The following TCHH variants were observed in gnomAD, a reference collection of about 807,000 sequenced individuals.
The protein encoded by TCHH is trichohyalin.
TCHH carries 6 observed loss-of-function variants against 6.3 expected under a neutral mutation model. That is an observed-to-expected ratio of 0.95 (90% confidence interval 0.52 to 1.88). TCHH has a LOEUF of 1.88. Ranked by LOEUF, TCHH falls within the 40% of genes most tolerant of loss-of-function variation. The pLI, the probability that TCHH is intolerant of heterozygous loss-of-function variation, is 0.01. For missense variants in TCHH, 2,920 were observed against 2,449.1 expected (o/e 1.19, Z -4.06); for synonymous variants, 1,087 against 963.6 (o/e 1.13, Z -2.37).
Position 152,111,355 on chromosome 1 carries a change from T to G in TCHH, c.1862A>C (p.Lys621Thr), listed in dbSNP as rs780166347. Residue 621 changes from lysine to threonine, a missense_variant, in exon 3 of 3, where the codon AAG becomes ACG. Coordinates refer to ENST00000614923, the MANE Select transcript of TCHH (RefSeq NM_007113.4). ...CCTCTCTTCCTCCGGCTCCTCGCGC[T>G]TCAGCCGCTGCTCGCGCCTCTCCTC... ...EQEERREQRL[K>T]REEPEEERRQ... 2 of 1,609,452 alleles carry G rather than the reference T, an allele frequency of 1.2e-6. No homozygotes were observed. Among genetic ancestry groups the G allele is most frequent in the East Asian group, 4.5e-5 (2 of 44,574 alleles).
Position 152,107,873 on chromosome 1 carries a change from C to G in TCHH, c.5344G>C (p.Glu1782Gln). ...KFREEEQLRQEREEQQLRSQE... is the reference protein window; with the variant it reads ...KFREEEQLRQQREEQQLRSQE... Reference sequence around the variant, plus strand: ...CTGCGCAGCTGCTGTTCCTCCCTCTCCTGGCGGAGCTGTTCCTCCTCGCGG... The same window carrying G: ...CTGCGCAGCTGCTGTTCCTCCCTCTGCTGGCGGAGCTGTTCCTCCTCGCGG... Residue 1782 changes from glutamate to glutamine, a missense_variant, in exon 3 of 3, where the codon GAG becomes CAG. By Grantham distance (29) the Glu-to-Gln change is conservative. Coordinates refer to ENST00000614923, the MANE Select transcript of TCHH (RefSeq NM_007113.4). 1.2e-6 allele frequency: 2 copies of G among 1,613,552 alleles called. No homozygotes were observed. Among genetic ancestry groups the G allele is most frequent in the East Asian group, 4.5e-5 (2 of 44,834 alleles).
chr1:152,111,393 C>T lies in TCHH; in HGVS notation c.1824G>A (p.Glu608=), dbSNP rs556365234. The T allele has an allele frequency of 8.4e-5, 134 of 1,603,656 alleles. 1 individual carries two copies. The East Asian group carries it at 3.0e-3, about 35-fold the overall frequency. Residue 608 remains glutamate (E), a synonymous_variant, in exon 3 of 3, where the codon GAG becomes GAA. Transcript: ENST00000614923. The stretch of plus-strand genomic sequence containing the variant: ...CGCGCCTCTCCTCCTGCTCGAGTCT[C>T]TCCACCTCCTCGCGCTTCAGTCGCT... ...LEQRLKREEV[E]RLEQEERREQ...
At position 152,112,306 on chromosome 1, in the gene TCHH, T is replaced by G. The variant is rs764873813; in HGVS notation, c.911A>C (p.Gln304Pro). ...CTCCTCCTGCTTGCGCCTTAGTTGC[T>G]GCTCGCGCCTCAGCCTTTGCTGCTG... The part of the protein sequence containing the change: ...EQQQQRLRRE[Q>P]QLRRKQEEER... Residue 304 changes from glutamine (Q) to proline (P), a missense_variant, in exon 3 of 3, where the codon CAG becomes CCG. Gln to Pro is a moderately conservative substitution (Grantham distance 76). Coordinates refer to ENST00000614923, the MANE Select transcript of TCHH (RefSeq NM_007113.4). 7 of 1,611,858 alleles carry G rather than the reference T, an allele frequency of 4.3e-6. No homozygotes were observed. In the South Asian group the frequency reaches 7.7e-5, roughly 18 times the overall value.
In TCHH at chr1:152,107,197, G is replaced by A. The variant is rs1274839629; in HGVS notation, c.*188C>T. ...CATCTTGCAGTAAAGAACTACTTGAGGAAGAATAAAAAGCAGAAGTACAAA... is the reference window on the plus strand; with the variant it reads ...CATCTTGCAGTAAAGAACTACTTGAAGAAGAATAAAAAGCAGAAGTACAAA... On this transcript the variant is annotated 3_prime_UTR_variant, in exon 3 of 3. Transcript: ENST00000614923. The A allele has an allele frequency of 5.5e-6, 3 of 543,046 alleles. No individual in the cohort carries two copies. The highest frequency in any genetic ancestry group is 6.7e-5 in the Admixed American group (2 of 29,742). The allele number at this position is 543,046 out of a possible 1,614,324, so 33.6% of individuals were successfully genotyped here.
rs1460086531 is a variant in TCHH at position 152,114,015 on chromosome 1, A to G, written c.66T>C (p.Asp22=). Residue 22 remains aspartate (D), a synonymous_variant, in exon 2 of 3, where the codon GAT becomes GAC. Coordinates refer to ENST00000614923, the MANE Select transcript of TCHH (RefSeq NM_007113.4). ...TEIFNQYVSH[D]CDGAALTKKD... ...TCTTAGTTAATGCTGCTCCATCACA[A>G]TCATGAGAGACATACTGATTGAAAA... The G allele has an allele frequency of 1.2e-6, 2 of 1,613,982 alleles. No homozygotes were observed. Among genetic ancestry groups the G allele is most frequent in the South Asian group, 1.1e-5 (1 of 91,056 alleles).
rs752611225 is a variant in TCHH at position 152,109,127 on chromosome 1, C to G, written c.4090G>C (p.Glu1364Gln). The G allele has an allele frequency of 2.5e-6, 4 of 1,613,606 alleles. No homozygotes were observed. In the South Asian group the frequency reaches 4.4e-5, roughly 18 times the overall value. The part of the protein sequence containing the change: ...RRQERDRKFR[E>Q]EELRHQEQGR... ...TGTTCCTGATGGCGCAGTTCCTCTT[C>G]GCGGAATTTTCTGTCACGCTCTTGG... The change falls in exon 3 of 3, where the codon GAA becomes CAA. Residue 1364 changes from glutamate (E) to glutamine (Q), a missense_variant. Physicochemically the swap from Glu to Gln is conservative, Grantham distance 29. Coordinates refer to ENST00000614923, the MANE Select transcript of TCHH (RefSeq NM_007113.4).
rs772386588 is a variant in TCHH, at chr1:152,107,882, G to C, written c.5335C>G (p.Leu1779Val). ...RDRKFREEEQ[L>V]RQEREEQQLR... ...TGCTGTTCCTCCCTCTCCTGGCGGA[G>C]CTGTTCCTCCTCGCGGAATTTTCTG... Residue 1779 changes from leucine (L) to valine (V), a missense_variant, in exon 3 of 3, where the codon CTC (leucine) becomes GTC (valine). Physicochemically the swap from Leu to Val is conservative, Grantham distance 32. Transcript: ENST00000614923. 29 of 1,613,664 alleles carry C rather than the reference G, an allele frequency of 1.8e-5. No homozygotes were observed. The highest frequency in any genetic ancestry group is 3.3e-5 in the Admixed American group (2 of 59,974).
Position 152,108,914 on chromosome 1 carries a change from C to T in TCHH, c.4303G>A (p.Glu1435Lys), listed in dbSNP as rs746566502. The change falls in exon 3 of 3, where the codon GAG becomes AAG. Residue 1435 changes from glutamate to lysine, a missense_variant. Transcript: ENST00000614923. ...TCCTGGCGGCGCACCTGCTGTTCCT[C>T]TTCACGGAATTTTCTGTCACGCTCT... Reference protein sequence around the residue: ...RQERDRKFREEEQQVRRQERE... With the variant: ...RQERDRKFREKEQQVRRQERE... 1.2e-6 allele frequency: 2 copies of T among 1,612,632 alleles called. No homozygotes were observed. Among genetic ancestry groups the T allele is most frequent in the South Asian group, 1.1e-5 (1 of 91,012 alleles).
Position 152,111,594 on chromosome 1 carries a change from C to T in TCHH, c.1623G>A (p.Glu541=), listed in dbSNP as rs1557811919. 5.0e-6 allele frequency: 8 copies of T among 1,608,630 alleles called. No individual in the cohort carries two copies. The highest frequency in any genetic ancestry group is 6.8e-6 in the Non-Finnish European group (8 of 1,178,012). ...GCAGCTGCTCGCGCCTCTCCTCCTG[C>T]TCGCGTCTTAGTTGTTGCTCGCTCC... ...RLRSEQQLRR[E]QEERREQLLK... Residue 541 remains glutamate, a synonymous_variant, in exon 3 of 3, where the codon GAG becomes GAA. Coordinates refer to ENST00000614923, the MANE Select transcript of TCHH (RefSeq NM_007113.4).
chr1:152,110,121 C>G lies in TCHH; in HGVS notation c.3096G>C (p.Gln1032His), dbSNP rs1283184799. ...TTTTCTCCCGTTCCTCTCTCAGCAG[C>G]TGCTCTTCTTCCTGCTGCAGCTCGT... ...KKDELQQEEE[Q>H]LLREEREKRR... The change falls in exon 3 of 3, where the codon CAG (glutamine) becomes CAC (histidine). Residue 1032 changes from glutamine (Q) to histidine (H), a missense_variant. Transcript: ENST00000614923. The G allele has an allele frequency of 6.2e-7, 1 of 1,612,290 alleles. No individual in the cohort carries two copies. Among genetic ancestry groups the G allele is most frequent in the East Asian group, 2.2e-5 (1 of 44,740 alleles).
At position 152,111,074 on chromosome 1, in the gene TCHH, G is replaced by C. The variant is rs753438173; in HGVS notation, c.2143C>G (p.Arg715Gly). 1 of 1,613,438 alleles carries C rather than the reference G, an allele frequency of 6.2e-7. No individual in the cohort carries two copies. The highest frequency in any genetic ancestry group is 1.7e-5 in the Admixed American group (1 of 60,012). Residue 715 changes from arginine (R) to glycine (G), a missense_variant, in exon 3 of 3, where the codon CGG becomes GGG. Arg to Gly is a moderately radical substitution (Grantham distance 125). Coordinates refer to ENST00000614923, the MANE Select transcript of TCHH (RefSeq NM_007113.4). ...QWQLESEADARQSKVYSRPRK... is the reference protein window; with the variant it reads ...QWQLESEADAGQSKVYSRPRK... ...GGCCTCGAGTAGACTTTGCTTTGCC[G>C]TGCGTCGGCCTCGCTTTCTAGCTGC...
At position 152,108,903 on chromosome 1, in the gene TCHH, C is replaced by A. The variant is rs1166084768; in HGVS notation, c.4314G>T (p.Gln1438His). Residue 1438 changes from glutamine to histidine, a missense_variant, in exon 3 of 3, where the codon CAG becomes CAT. Transcript: ENST00000614923. ...RDRKFREEEQ[Q>H]VRRQERERKF... is the part of the protein sequence containing the mutation. ...TTCTCTCTCGTTCCTGGCGGCGCAC[C>A]TGCTGTTCCTCTTCACGGAATTTTC... 6.2e-7 allele frequency: 1 copy of A among 1,609,742 alleles called. No individual in the cohort carries two copies. Among genetic ancestry groups the A allele is most frequent in the East Asian group, 2.2e-5 (1 of 44,478 alleles).
In TCHH at chr1:152,110,019, C is replaced by T. The variant is rs1448641241; in HGVS notation, c.3198G>A (p.Glu1066=). 1.3e-6 allele frequency: 2 copies of T among 1,542,304 alleles called. No homozygotes were observed. Among genetic ancestry groups the T allele is most frequent in the Admixed American group, 1.9e-5 (1 of 53,346 alleles). The change falls in exon 3 of 3, where the codon GAG becomes GAA. Residue 1066 remains glutamate (E), a synonymous_variant. Coordinates refer to ENST00000614923, the MANE Select transcript of TCHH (RefSeq NM_007113.4). ...CCTGGCGCCTTCTCGTCTCCCGTTC[C>T]TCTCCCAGCAGCTGCTCTTCCTCCT... ...LQQEEEQLLG[E]ERETRRRQEL...
Position 152,110,257 on chromosome 1 carries a change from TCCCGCTCCTGGCG to T in TCHH, c.2947_2959del (p.Gln984LysfsTer17), listed in dbSNP as rs751146261. 1 of 1,608,716 alleles carries T rather than the reference TCCCGCTCCTGGCG, an allele frequency of 6.2e-7. No homozygotes were observed. Among genetic ancestry groups the T allele is most frequent in the Non-Finnish European group, 8.5e-7 (1 of 1,177,754 alleles). ...CTCCTCTTCCTCGCGGTATTTTTTC[TCCCGCTCCTGGCG>T]CCTTCTCTTCTCCGGTTCCTCTCCC... On this transcript the variant is annotated frameshift_variant, in exon 3 of 3. Coordinates refer to ENST00000614923, the MANE Select transcript of TCHH (RefSeq NM_007113.4). LOFTEE classifies it low-confidence loss of function (END_TRUNC).
chr1:152,112,388 GC>G lies in TCHH; in HGVS notation c.828del (p.Glu276AspfsTer11). On this transcript the variant is annotated frameshift_variant, in exon 3 of 3. Transcript: ENST00000614923. LOFTEE classifies it low-confidence loss of function (END_TRUNC). The part of the protein sequence containing the change: ...QRQRELQEEE[E>X]QLRKLERQEL... ...TCTTGCCGCTCCAGCTTCCGTAGCT[GC>G]TCTTCTTCCTCCTGGAGCTCTCTTT... The G allele has an allele frequency of 6.2e-7, 1 of 1,613,640 alleles. No homozygotes were observed. Among genetic ancestry groups the G allele is most frequent in the Non-Finnish European group, 8.5e-7 (1 of 1,179,970 alleles).
chr1:152,111,426 C>G lies in TCHH; in HGVS notation c.1791G>C (p.Arg597Ser). ...QQRLKREQEE[R>S]LEQRLKREEV... is the part of the protein sequence containing the mutation. ...CCTCGCGCTTCAGTCGCTGCTCGAG[C>G]CTCTCTTCCTGCTCGCGCTTCAGCC... Residue 597 changes from arginine (R) to serine (S), a missense_variant, in exon 3 of 3, where the codon AGG (arginine) becomes AGC (serine). Physicochemically the swap from Arg to Ser is moderately radical, Grantham distance 110. Coordinates refer to ENST00000614923, the MANE Select transcript of TCHH (RefSeq NM_007113.4). 2 of 1,611,574 alleles carry G rather than the reference C, an allele frequency of 1.2e-6. No individual in the cohort carries two copies. Among genetic ancestry groups the G allele is most frequent in the South Asian group, 1.1e-5 (1 of 90,944 alleles).
In TCHH at chr1:152,108,007, T is replaced by C; in HGVS notation, c.5210A>G (p.Gln1737Arg). The C allele has an allele frequency of 6.2e-7, 1 of 1,613,798 alleles. No homozygotes were observed. Among genetic ancestry groups the C allele is most frequent in the Non-Finnish European group, 8.5e-7 (1 of 1,179,940 alleles). ...GCGTTCTTGGCGGCGCAGCTGCTCT[T>C]GCTCCGTTTCTTGGCGCAGCTGTTC... Reference protein sequence around the residue: ...EEEQLRQETEQEQLRRQERYR... With the variant: ...EEEQLRQETEREQLRRQERYR... Residue 1737 changes from glutamine to arginine, a missense_variant, in exon 3 of 3, where the codon CAA (glutamine) becomes CGA (arginine). Coordinates refer to ENST00000614923, the MANE Select transcript of TCHH (RefSeq NM_007113.4).
Position 152,109,387 on chromosome 1 carries a change from C to T in TCHH, c.3830G>A (p.Arg1277Gln), listed in dbSNP as rs772581449. 4.3e-6 allele frequency: 7 copies of T among 1,614,140 alleles called. No homozygotes were observed. The Admixed American group carries it at 6.7e-5, about 15-fold the overall frequency. ...LQHLLGEQQE[R>Q]DREQERRRWQ... ...GCGCCTCCTCTCTTGCTCACGATCT[C>T]GCTCTTGCTGTTCACCCAGCAGGTG... is the stretch of plus-strand genomic sequence containing the variant. Residue 1277 changes from arginine to glutamine, a missense_variant, in exon 3 of 3, where the codon CGA becomes CAA. Arg to Gln is a conservative substitution (Grantham distance 43, BLOSUM62 1). Coordinates refer to ENST00000614923, the MANE Select transcript of TCHH (RefSeq NM_007113.4).
Position 152,112,551 on chromosome 1 carries a change from G to T in TCHH, c.666C>A (p.Gly222=). ...RRELLELRRK[G]REEKQQQRRE... The stretch of plus-strand genomic sequence containing the variant: ...GCCTTTGCTGCTGTTTCTCCTCGCG[G>T]CCCTTCCTCCTCAGCTCCAGCAGCT... Residue 222 remains glycine (G), a synonymous_variant, in exon 3 of 3, where the codon GGC becomes GGA. Coordinates refer to ENST00000614923, the MANE Select transcript of TCHH (RefSeq NM_007113.4). 1 of 1,613,186 alleles carries T rather than the reference G, an allele frequency of 6.2e-7. No homozygotes were observed. Among genetic ancestry groups the T allele is most frequent in the Non-Finnish European group, 8.5e-7 (1 of 1,180,006 alleles).
Sources: gnomAD v4.1 joint callset for allele counts on GRCh38, gnomAD v4.1.1 for gene constraint, MANE v1.5 for transcripts, NCBI Gene and HGNC (gene_info 2026-07-23, HGNC 2026-07-21) for gene names.